Variants in DSCAML1 observed in about 807,000 individuals in gnomAD.
The protein encoded by DSCAML1 is DS cell adhesion molecule like 1.
A neutral mutation model predicts 200.5 loss-of-function variants in DSCAML1; 38 were observed. The ratio of observed to expected loss-of-function variants is 0.19; its 90% CI spans 0.15 to 0.25. DSCAML1 has a LOEUF of 0.25. DSCAML1 is among the 10% of genes least tolerant of loss of function. The pLI is 1.00. For missense variants in DSCAML1, 2,223 were observed against 2,858.8 expected (o/e 0.78, Z 5.07); for synonymous variants, 1,215 against 1,165.0 (o/e 1.04, Z -0.87).
At chr11:117,474,420 G>A (rs1248555461) in intron 14 of DSCAML1, among the ~76,000 whole-genome samples, 1 of 152,078 alleles carries the variant, frequency 6.6e-6, no homozygotes, top group Non-Finnish European at 1.5e-5. Flanking sequence ...GCCTCCACCC[G>A]AGGCTTCCTT....
chr11:117,505,159 G>A lies in DSCAML1; in HGVS notation c.2063-116C>T. On this transcript the variant is annotated intron_variant, in intron 9 of 32. Transcript: ENST00000651296. This position sits in a 1 kb window ranked among gnomAD's most constrained non-coding sequence, Gnocchi z 6.7. Reference sequence around the variant, plus strand: ...TGCCCGGGCCATTATAAAGTTGGAAGCGGGCAGTTTCTGAAACCCAAGATG... The same window carrying A: ...TGCCCGGGCCATTATAAAGTTGGAAACGGGCAGTTTCTGAAACCCAAGATG... 1 of 1,459,894 alleles carries A rather than the reference G, an allele frequency of 6.8e-7. No individual in the cohort carries two copies. The highest frequency in any genetic ancestry group is 9.2e-7 in the Non-Finnish European group (1 of 1,086,778). 90.4% of individuals were successfully genotyped at this position (1,459,894 alleles called of 1,614,324 possible). A position where few individuals can be genotyped will look rare whatever the true frequency, so the allele number is the denominator to read the frequency against.
In DSCAML1 at chr11:117,532,528, G is replaced by A; in HGVS notation, c.512-6C>T. On this transcript the variant is annotated splice_region_variant and splice_polypyrimidine_tract_variant and intron_variant, in intron 3 of 32. Transcript: ENST00000651296. ...GGTAATAAAAAACCTGTGTTCTGGA[G>A]ACACAATCAGGACATAGTTCGTTAC... 6.2e-7 allele frequency: 1 copy of A among 1,612,822 alleles called. No homozygotes were observed. Among genetic ancestry groups the A allele is most frequent in the Non-Finnish European group, 8.5e-7 (1 of 1,179,346 alleles).
At chr11:117,764,060 C>T (rs1192825952) in intron 3 of DSCAML1, among the ~76,000 whole-genome samples, 1 of 152,154 alleles carries the variant, frequency 6.6e-6, no homozygotes, top group Non-Finnish European at 1.5e-5. Context: ...CACCTGTGTC[C>T]CATACTCATC....
At chr11:117,598,813 G>C (rs1298474191) in intron 3 of DSCAML1, among the ~76,000 whole-genome samples, 1 of 152,162 alleles carries the variant, frequency 6.6e-6, no homozygotes, top group African/African-American at 2.4e-5. Context: ...GGGCTGAATG[G>C]CTTTGGTTTA....
intron 3 of DSCAML1, among the ~76,000 whole-genome samples, chr11:117,575,095 G>A (rs535370900): frequency 2.6e-5 from 4 of 152,206 alleles, no homozygotes; most frequent in Non-Finnish European, 4.4e-5. Context: ...GGAGGTTGAG[G>A]AAGGAGAATC....
intron 3 of DSCAML1, among the ~76,000 whole-genome samples, chr11:117,632,034 T>C (rs1045630723): frequency 1.3e-5 from 2 of 152,062 alleles, no homozygotes; most frequent in Admixed American, 6.5e-5. Flanking sequence ...GGCCCAGCCC[T>C]CTCCCCAGTG....
intron 3 of DSCAML1, among the ~76,000 whole-genome samples, chr11:117,639,521 A>G (rs937638968): frequency 6.6e-6 from 1 of 151,744 alleles, no homozygotes; most frequent in African/African-American, 2.4e-5. Context: ...GCTGGATGAA[A>G]AGAGATCTAA....
chr11:117,473,484 G>A (rs2048727720), intron 14 of DSCAML1, among the ~76,000 whole-genome samples: 3 of 152,020 alleles, frequency 2.0e-5, no homozygotes, highest in African/African-American at 7.3e-5. Context: ...GCAACAGAAC[G>A]AGACTCCATC....
chr11:117,537,662 G>A (rs1368730134), intron 3 of DSCAML1, among the ~76,000 whole-genome samples: 1 of 152,242 alleles, frequency 6.6e-6, no homozygotes, highest in Non-Finnish European at 1.5e-5. Context: ...GTTAGATTGA[G>A]CCCTGAGTTC....
In DSCAML1 at chr11:117,437,001, C is replaced by G. The variant is rs1016206438; in HGVS notation, c.4720+121G>C. 1 of 1,351,940 alleles carries G rather than the reference C, an allele frequency of 7.4e-7. No homozygotes were observed. Among genetic ancestry groups the G allele is most frequent in the Non-Finnish European group, 9.9e-7 (1 of 1,007,198 alleles). The allele number at this position is 1,351,940 out of a possible 1,614,324, so 83.7% of individuals were successfully genotyped here. A position where few individuals can be genotyped will look rare whatever the true frequency, so the allele number is the denominator to read the frequency against. On this transcript the variant is annotated intron_variant, in intron 26 of 32. Transcript: ENST00000651296. The surrounding 1 kb of genome is among the most constrained non-coding windows in gnomAD (Gnocchi z 5.3). ...TTCACCTGCAGGCCAGCATTTCCCC[C>G]ACCTGCATTCCTGCCTGTTTTTCTA...
In DSCAML1 at chr11:117,720,452, C is replaced by T. The variant is rs529331625; in HGVS notation, c.511+56339G>A. 1.2e-4 allele frequency among the ~76,000 whole-genome samples: 18 copies of T among 151,940 alleles called. No individual in the cohort carries two copies. In the South Asian group the frequency reaches 3.3e-3, roughly 28 times the overall value. On this transcript the variant is annotated intron_variant, in intron 3 of 32. Transcript: ENST00000651296. ...GAGCCGAGGGCTGAATCATGAGAGG[C>T]GAGCCCCAGCCTCCCGGCCTTTGGA...
rs948003075 is a variant in DSCAML1 at position 117,738,728 on chromosome 11, T to C, written c.511+38063A>G. Among the ~76,000 whole-genome samples, 9 of 152,306 alleles carry C rather than the reference T, an allele frequency of 5.9e-5. 1 individual carries two copies. The South Asian group carries it at 1.7e-3, about 28-fold the overall frequency. ...TGAGCCTCTCCGAGAGTAACTTTCA[T>C]GACCGTCTGCTGGCAGCCCCACCCC... On this transcript the variant is annotated intron_variant, in intron 3 of 32. Coordinates refer to ENST00000651296, the MANE Select transcript of DSCAML1 (RefSeq NM_020693.4).
intron 8 of DSCAML1, among the ~76,000 whole-genome samples, chr11:117,507,286 A>G (rs2049519601): frequency 6.6e-6 from 1 of 152,174 alleles, no homozygotes; most frequent in South Asian, 2.1e-4. Flanking sequence ...CCCAGGCACC[A>G]GCCGCACCCC....
chr11:117,444,002 A>C lies in DSCAML1; in HGVS notation c.3746T>G (p.Phe1249Cys). The C allele has an allele frequency of 6.2e-7, 1 of 1,613,948 alleles. No homozygotes were observed. Among genetic ancestry groups the C allele is most frequent in the Non-Finnish European group, 8.5e-7 (1 of 1,179,954 alleles). ...GCGGTTTAGGTGGGCGATCCGGTAG[A>C]AGAGCTGCTCTGGACTCGTCTCGTA... is the stretch of plus-strand genomic sequence containing the variant. The part of the protein sequence containing the change: ...SEYETSPEQL[F>C]YRIAHLNRGQ... Residue 1249 changes from phenylalanine (F) to cysteine (C), a missense_variant, in exon 21 of 33, where the codon TTC becomes TGC. Transcript: ENST00000651296.
chr11:117,505,742 C>A lies in DSCAML1; in HGVS notation c.1784-10G>T, dbSNP rs771520627. On this transcript the variant is annotated splice_polypyrimidine_tract_variant and intron_variant, in intron 8 of 32. Transcript: ENST00000651296. The surrounding 1 kb of genome is among the most constrained non-coding windows in gnomAD (Gnocchi z 6.7). ...TGGATCAGAGGGGGCACTGGGAAGG[C>A]AAGCGGGTGCTGCCGTCAGGACCCT... is the stretch of plus-strand genomic sequence containing the variant. 1 of 1,603,412 alleles carries A rather than the reference C, an allele frequency of 6.2e-7. No individual in the cohort carries two copies.
chr11:117,577,591 G>A (rs1262372469), intron 3 of DSCAML1, among the ~76,000 whole-genome samples: 1 of 138,524 alleles, frequency 7.2e-6, no homozygotes, highest in Admixed American at 7.3e-5. Context: ...TTTTTTGACG[G>A]AGCCTCGCTC....
At chr11:117,721,787 TATATG>T (rs1165650084) in intron 3 of DSCAML1, among the ~76,000 whole-genome samples, 1 of 147,480 alleles carries the variant, frequency 6.8e-6, no homozygotes, top group Non-Finnish European at 1.5e-5. Flanking sequence ...ATATATGATA[TATATG>T]ATATGTACAT....
At chr11:117,622,521 C>G (rs2051954500) in intron 3 of DSCAML1, among the ~76,000 whole-genome samples, 1 of 152,132 alleles carries the variant, frequency 6.6e-6, no homozygotes, top group South Asian at 2.1e-4. Flanking sequence ...CACCGATGAG[C>G]CTGACTGTTC....
chr11:117,470,102 T>C (rs2048655456), intron 15 of DSCAML1, 122 bp from the exon 16 acceptor site: 1 of 818,020 alleles, frequency 1.2e-6, no homozygotes, highest in African/African-American at 1.7e-5. Context: ...TAAGCTCAGA[T>C]GCAGATAGCA....
Sources: allele counts gnomAD v4.1 joint callset (sites outside exome capture counted in the v4.1 genomes callset), GRCh38; gene constraint gnomAD v4.1.1; non-coding constraint Gnocchi (gnomAD v3.1); transcripts MANE v1.5; gene names NCBI Gene and HGNC (gene_info 2026-07-23, HGNC 2026-07-21).